Variants in PAPPA2 observed in about 807,000 individuals in gnomAD.
The protein encoded by PAPPA2 is pappalysin-2.
In PAPPA2, 86 loss-of-function variants were observed where a neutral mutation model predicts 176.4. The observed-to-expected ratio is 0.49, with a 90% CI of 0.41 to 0.58. The LOEUF (loss-of-function observed/expected upper bound fraction) is 0.58, where lower values mean the gene tolerates loss of function less well. Among genes scored for constraint, PAPPA2 ranks in the 20% least tolerant of loss-of-function variants. The pLI, the probability that PAPPA2 is intolerant of heterozygous loss-of-function variation, is 0.00. For missense variants in PAPPA2, 2,073 were observed against 2,256.9 expected, an observed-to-expected ratio of 0.92 and a Z score of 1.65; for synonymous variants, 809 against 852.2, an observed-to-expected ratio of 0.95 and a Z score of 0.88.
At chr1:176,691,064 C>T (rs1459689452) in intron 5 of PAPPA2, 1 of 985,250 alleles carries the variant, frequency 1.0e-6, no homozygotes, top group Non-Finnish European at 1.2e-6. Flanking sequence ...GTCATCTGGT[C>T]TTTCTTGCCT....
Position 176,815,830 on chromosome 1 carries a change from T to A in PAPPA2, c.5202+15698T>A, listed in dbSNP as rs541575292. 1.2e-4 allele frequency among the ~76,000 whole-genome samples: 18 copies of A among 152,218 alleles called. No homozygotes were observed. In the South Asian group the frequency reaches 3.7e-3, roughly 32 times the overall value. ...AGGTTACATTCTTTTGAGAACTTGA[T>A]CAGCCTTCCACTGAATCCACAATTT... On this transcript the variant is annotated intron_variant, in intron 21 of 22. Transcript: ENST00000367662.
At chr1:176,716,863 G>A (rs1053747217) in intron 12 of PAPPA2, among the ~76,000 whole-genome samples, 11 of 149,114 alleles carry the variant, frequency 7.4e-5, no homozygotes, top group Non-Finnish European at 1.5e-4. Context: ...CGCCCATCTC[G>A]GCCTCCCAAA....
intron 22 of PAPPA2, 71 bp from the exon 23 acceptor site, chr1:176,842,309 G>A: frequency 7.1e-7 from 1 of 1,411,806 alleles, no homozygotes; most frequent in Non-Finnish European, 1.0e-6. Flanking sequence ...AGTGAGGAAA[G>A]TGAAAGCTCG....
In PAPPA2 at chr1:176,497,791, G is replaced by T. The variant is rs146761846; in HGVS notation, c.-917+34373G>T. On this transcript the variant is annotated intron_variant, in intron 1 of 22. Transcript: ENST00000367662. Reference sequence around the variant, plus strand: ...GCATATCCTAGGGCTAATACTTGCCGTTCATTATCATGCATGTACTATCAT... The same window carrying T: ...GCATATCCTAGGGCTAATACTTGCCTTTCATTATCATGCATGTACTATCAT... Among the ~76,000 whole-genome samples, 38 of 152,192 alleles carry T rather than the reference G, an allele frequency of 2.5e-4. No individual in the cohort carries two copies. The East Asian group carries it at 7.4e-3, about 29-fold the overall frequency.
In PAPPA2 at chr1:176,710,057, G is replaced by A. The variant is rs750055265; in HGVS notation, c.3532G>A (p.Asp1178Asn). The A allele has an allele frequency of 6.2e-7, 1 of 1,613,620 alleles. No individual in the cohort carries two copies. Residue 1178 changes from aspartate to asparagine, a missense_variant, in exon 11 of 23, where the codon GAC (aspartate) becomes AAC (asparagine). Coordinates refer to ENST00000367662, the MANE Select transcript of PAPPA2 (RefSeq NM_020318.3). ...EPFERKTSIVDCGIYTPKGYL... is the reference protein window; with the variant it reads ...EPFERKTSIVNCGIYTPKGYL... The stretch of plus-strand genomic sequence containing the variant: ...TTTTGAGAGAAAAACCAGCATTGTA[G>A]ACTGTGGCATCTACACTCCCAAAGG...
Position 176,722,195 on chromosome 1 carries a change from G to T in PAPPA2, c.3798+10214G>T, listed in dbSNP as rs551046700. On this transcript the variant is annotated intron_variant, in intron 12 of 22. Transcript: ENST00000367662. ...ATAACACCAATATCTTGATGGAGGG[G>T]TCTGTTTAGGTTGACTTTAAAACAT... 4.6e-5 allele frequency among the ~76,000 whole-genome samples: 7 copies of T among 152,130 alleles called. 1 individual carries two copies. The highest frequency in any genetic ancestry group is 1.7e-4 in the African/African-American group (7 of 41,542).
At position 176,791,173 on chromosome 1, in the gene PAPPA2, A is replaced by ATTTTTTT. The variant is rs57185368; in HGVS notation, c.4885-152_4885-146dup. Among the ~76,000 whole-genome samples the ATTTTTTT allele has an allele frequency of 2.7e-4, 22 of 80,876 alleles. 2 individuals carry two copies. The highest frequency in any genetic ancestry group is 1.2e-3 in the African/African-American group (20 of 16,582). The allele number at this position is 80,876 out of a possible 152,430, so 53.1% of individuals were successfully genotyped here. The stretch of plus-strand genomic sequence containing the variant: ...TTCCTCTGCTTGGAAAAAGCAAAGA[A>ATTTTTTT]TTTTTTTTTTTTTTTTTTTTTTTTT... On this transcript the variant is annotated intron_variant, in intron 18 of 22. Transcript: ENST00000367662.
intron 1 of PAPPA2, among the ~76,000 whole-genome samples, chr1:176,539,910 A>T (rs1054162560): frequency 2.0e-5 from 3 of 152,224 alleles, no homozygotes; most frequent in African/African-American, 7.2e-5. Flanking sequence ...AGAAGTGAGG[A>T]TCAGTTAGCC....
In PAPPA2 at chr1:176,809,833, G is replaced by A. The variant is rs369021839; in HGVS notation, c.5202+9701G>A. Among the ~76,000 whole-genome samples, 48 of 152,194 alleles carry A rather than the reference G, an allele frequency of 3.2e-4. No homozygotes were observed. In the South Asian group the frequency reaches 8.1e-3, roughly 26 times the overall value. ...AGGGGATGGGGAAGGTTAGCTTGCC[G>A]GAGACATTGCCCGAGGAATAGTGGC... is the stretch of plus-strand genomic sequence containing the variant. On this transcript the variant is annotated intron_variant, in intron 21 of 22. Coordinates refer to ENST00000367662, the MANE Select transcript of PAPPA2 (RefSeq NM_020318.3).
At chr1:176,712,019 G>T in intron 12 of PAPPA2, 38 bp downstream of exon 12, 1 of 1,584,970 alleles carries the variant, frequency 6.3e-7, no homozygotes, top group Non-Finnish European at 8.6e-7. Flanking sequence ...CATGTGAAAG[G>T]TGTAAGCATA....
chr1:176,634,806 A>G (rs1656571050), intron 3 of PAPPA2, among the ~76,000 whole-genome samples: 1 of 124,752 alleles, frequency 8.0e-6, no homozygotes, highest in South Asian at 2.8e-4. Flanking sequence ...AGAGAGATAG[A>G]TAGATAGATA....
chr1:176,779,976 A>T (rs1664641934), intron 17 of PAPPA2, among the ~76,000 whole-genome samples: 1 of 152,236 alleles, frequency 6.6e-6, no homozygotes, highest in South Asian at 2.1e-4. Context: ...ATGTAATGTC[A>T]GGAGTATGGC....
intron 21 of PAPPA2, among the ~76,000 whole-genome samples, chr1:176,834,522 G>A (rs996486867): frequency 7.2e-5 from 11 of 152,194 alleles, no homozygotes; most frequent in Non-Finnish European, 1.5e-5. Context: ...TTTCTGGGCT[G>A]TAGGCATATG....
intron 3 of PAPPA2, among the ~76,000 whole-genome samples, chr1:176,615,208 G>A (rs1025084083): frequency 6.6e-6 from 1 of 152,192 alleles, no homozygotes; most frequent in African/African-American, 2.4e-5. Flanking sequence ...TCCCTGTTAA[G>A]CTGCACCTCA....
chr1:176,791,554 A>T (rs1173517483), intron 19 of PAPPA2, 72 bp downstream of exon 19: 4 of 1,521,072 alleles, frequency 2.6e-6, no homozygotes, highest in East Asian at 2.3e-5. Flanking sequence ...AATTTTTTTT[A>T]ATTTTATTTA....
rs71565479 is a variant in PAPPA2, at chr1:176,708,530, T to TAGAGAGAGAGAGAGAG, written c.3458-1439_3458-1424dup. On this transcript the variant is annotated intron_variant, in intron 10 of 22. Transcript: ENST00000367662. ...AACAAAACAAAACTATACGTACATG[T>TAGAGAGAGAGAGAGAG]AGAGAGAGAGAGAGAGAGAGAGAGA... Among the ~76,000 whole-genome samples the TAGAGAGAGAGAGAGAG allele has an allele frequency of 3.8e-4, 56 of 145,590 alleles. 1 individual carries two copies. Among genetic ancestry groups the TAGAGAGAGAGAGAGAG allele is most frequent in the African/African-American group, 2.3e-4 (9 of 39,386 alleles).
intron 1 of PAPPA2, among the ~76,000 whole-genome samples, chr1:176,508,163 G>A (rs1003061018): frequency 6.6e-6 from 1 of 152,126 alleles, no homozygotes; most frequent in Non-Finnish European, 1.5e-5. Context: ...AGAACAAAGT[G>A]TAGCACTCTT....
At position 176,842,400 on chromosome 1, in the gene PAPPA2, CTG is replaced by C; in HGVS notation, c.5325_5326del (p.Cys1775Ter). 6.2e-7 allele frequency: 1 copy of C among 1,613,366 alleles called. No homozygotes were observed. Among genetic ancestry groups the C allele is most frequent in the Non-Finnish European group, 8.5e-7 (1 of 1,179,526 alleles). On this transcript the variant is annotated frameshift_variant, in exon 23 of 23. Coordinates refer to ENST00000367662, the MANE Select transcript of PAPPA2 (RefSeq NM_020318.3). LOFTEE classifies it high-confidence loss of function. ...CCTAGGTCATTCCATTTGCTGCTGA[CTG>C]TGACCTGGATGAGTGCACCTGCCGG... ...SKKVIPFAAD[C>X]DLDECTCRDP...
chr1:176,799,985 G>A (rs1447672442), intron 20 of PAPPA2, 76 bp from the exon 21 acceptor site: 1 of 1,448,560 alleles, frequency 6.9e-7, no homozygotes, highest in Non-Finnish European at 9.7e-7. Context: ...CCTGTGGTGA[G>A]CTCAGGATTT....
Sources: gnomAD v4.1 joint callset for allele counts (sites outside exome capture counted in the v4.1 genomes callset) on GRCh38, gnomAD v4.1.1 for gene constraint, MANE v1.5 for transcripts, NCBI Gene and HGNC (gene_info 2026-07-23, HGNC 2026-07-21) for gene names.